Variants in EPG5 observed in about 807,000 individuals in gnomAD.
EPG5 encodes the protein ectopic P-granules 5 autophagy tethering factor, also known as ectopic P granules protein 5 homolog.
Under a neutral mutation model 302.7 loss-of-function variants are expected in EPG5, and 159 were observed. The observed-to-expected ratio is 0.53, with a 90% CI of 0.46 to 0.60. The LOEUF is 0.60. Among genes scored for constraint, EPG5 ranks in the 20% least tolerant of loss-of-function variants. The pLI is 0.00. For missense variants in EPG5, 2,896 were observed against 3,092.4 expected, an observed-to-expected ratio of 0.94 and a Z score of 1.51; for synonymous variants, 1,158 against 1,136.8, an observed-to-expected ratio of 1.02 and a Z score of -0.37.
chr18:45,823,141 A>G, the EPG5 span, among the ~76,000 whole-genome samples: 2 of 152,148 alleles, frequency 1.3e-5, no homozygotes, highest in East Asian at 3.8e-4. Flanking sequence ...TTTGAACAAC[A>G]AGCTAGGAGT....
At chr18:45,856,666 T>TA (rs1430475651) in intron 42 of EPG5, among the ~76,000 whole-genome samples, 1 of 152,216 alleles carries the variant, frequency 6.6e-6, no homozygotes, top group Non-Finnish European at 1.5e-5. Flanking sequence ...AACATGACGT[T>TA]AACTGGTTTG....
At chr18:45,934,161 G>A (rs767109364) in intron 11 of EPG5, among the ~76,000 whole-genome samples, 1 of 151,402 alleles carries the variant, frequency 6.6e-6, no homozygotes, top group African/African-American at 2.4e-5. Context: ...TGATAGCGTG[G>A]ACCTGTAAGC....
At chr18:45,960,328 T>A (rs201886316) in intron 1 of EPG5, among the ~76,000 whole-genome samples, 1 of 152,184 alleles carries the variant, frequency 6.6e-6, no homozygotes, top group African/African-American at 2.4e-5. Context: ...CACTGGCTAT[T>A]TGCAGGCACA....
chr18:45,946,898 G>A, intron 6 of EPG5, 130 bp from the exon 7 acceptor site: 1 of 712,268 alleles, frequency 1.4e-6, no homozygotes, highest in Admixed American at 2.8e-5. Context: ...TAGTGAATAA[G>A]AACTGGCCAA....
intron 40 of EPG5, 108 bp downstream of exon 40, chr18:45,859,996 T>C: frequency 1.4e-6 from 2 of 1,388,836 alleles, no homozygotes; most frequent in South Asian, 2.7e-5. Context: ...AAAATTAGAA[T>C]GGCAAATCCC....
In EPG5 at chr18:45,967,323, G is replaced by T; in HGVS notation, c.-84C>A. 7.5e-7 allele frequency: 1 copy of T among 1,326,974 alleles called. No homozygotes were observed. The highest frequency in any genetic ancestry group is 1.0e-6 in the Non-Finnish European group (1 of 992,526). 82.2% of individuals were successfully genotyped at this position (1,326,974 alleles called of 1,614,324 possible). On this transcript the variant is annotated 5_prime_UTR_variant, in exon 1 of 44. Coordinates refer to ENST00000282041, the MANE Select transcript of EPG5 (RefSeq NM_020964.3). The stretch of plus-strand genomic sequence containing the variant: ...CCTGCCCGGTTCTGGCCTCCGGACT[G>T]TCACATGATCGAATCTCCGCCACTC...
chr18:45,955,987 G>A (rs2051020173), intron 1 of EPG5, among the ~76,000 whole-genome samples: 1 of 152,168 alleles, frequency 6.6e-6, no homozygotes, highest in African/African-American at 2.4e-5. Context: ...TCTACCCATG[G>A]ATGCTAAAGT....
rs545899573 is a variant in EPG5 at position 45,892,867 on chromosome 18, T to C, written c.4810-2927A>G. Among the ~76,000 whole-genome samples, 8 of 152,344 alleles carry C rather than the reference T, an allele frequency of 5.3e-5. No homozygotes were observed. In the South Asian group the frequency reaches 1.7e-3, roughly 32 times the overall value. On this transcript the variant is annotated intron_variant, in intron 27 of 43. Coordinates refer to ENST00000282041, the MANE Select transcript of EPG5 (RefSeq NM_020964.3). ...ATTTGAACTCTTTATAAAGGAGTCA[T>C]TCAAAATTATATTTAAAATCTGAAG...
intron 22 of EPG5, 92 bp downstream of exon 22, chr18:45,912,198 A>G: frequency 1.7e-6 from 2 of 1,200,342 alleles, no homozygotes; most frequent in Non-Finnish European, 2.3e-6. Flanking sequence ...GAATGATTCC[A>G]ACTCACACTC....
chr18:45,928,736 G>A, intron 13 of EPG5, 133 bp downstream of exon 13: 1 of 756,688 alleles, frequency 1.3e-6, no homozygotes, highest in Non-Finnish European at 2.0e-6. Context: ...GGCTGGCACA[G>A]TAAATGTTAG....
chr18:45,837,688 T>G, the EPG5 span: 2 of 1,478,118 alleles, frequency 1.4e-6, no homozygotes, highest in Non-Finnish European at 1.8e-6. Flanking sequence ...TCCGCTGCGC[T>G]GCGGCGCGGG....
chr18:45,964,889 G>A (rs1315252646), intron 1 of EPG5, among the ~76,000 whole-genome samples: 3 of 152,138 alleles, frequency 2.0e-5, no homozygotes, highest in Non-Finnish European at 2.9e-5. Flanking sequence ...GGTGGCAGAC[G>A]TTGTGGTGAG....
At chr18:45,871,062 T>G (rs1461817346) in intron 35 of EPG5, among the ~76,000 whole-genome samples, 1 of 152,210 alleles carries the variant, frequency 6.6e-6, no homozygotes, top group African/African-American at 2.4e-5. Context: ...TGTATTCAGT[T>G]TTACACATTT....
intron 9 of EPG5, among the ~76,000 whole-genome samples, chr18:45,940,903 G>A (rs568175618): frequency 1.6e-4 from 25 of 152,282 alleles, no homozygotes; most frequent in South Asian, 1.5e-3. Flanking sequence ...TTTGGGAAGG[G>A]GGGAGAGTGA....
At chr18:45,948,297 C>A (rs1035113199) in intron 6 of EPG5, among the ~76,000 whole-genome samples, 32 of 152,198 alleles carry the variant, frequency 2.1e-4, no homozygotes, top group African/African-American at 5.8e-4. Context: ...AAAGGGGGAA[C>A]CCATAAAAAT....
the EPG5 span, chr18:45,842,457 G>GAGAA: frequency 6.4e-6 from 3 of 467,022 alleles, no homozygotes; most frequent in Non-Finnish European, 1.2e-5. Context: ...GAGAGAGAGA[G>GAGAA]AGAGTACACG....
the EPG5 span, among the ~76,000 whole-genome samples, chr18:45,821,751 A>G: frequency 5.3e-5 from 8 of 152,344 alleles, no homozygotes; most frequent in South Asian, 4.1e-4. Context: ...GAACTCAAGC[A>G]TCTCAACAGC....
At chr18:45,857,784 C>A in intron 42 of EPG5, 69 bp downstream of exon 42, 1 of 1,283,014 alleles carries the variant, frequency 7.8e-7, no homozygotes, top group Admixed American at 1.7e-5. Context: ...AAGTATATCA[C>A]AACCTGTAAG....
chr18:45,962,486 T>C (rs182468418), intron 1 of EPG5, among the ~76,000 whole-genome samples: 2 of 152,296 alleles, frequency 1.3e-5, no homozygotes, highest in African/African-American at 2.4e-5. Flanking sequence ...ATCAATGAAG[T>C]CAGGGTGCTC....
Sources: allele counts gnomAD v4.1 joint callset (sites outside exome capture counted in the v4.1 genomes callset), GRCh38; gene constraint gnomAD v4.1.1; transcripts MANE v1.5; gene names NCBI Gene and HGNC (gene_info 2026-07-23, HGNC 2026-07-21).